Variants in TRPM3 observed in about 807,000 individuals in gnomAD.
The protein encoded by TRPM3 is transient receptor potential cation channel subfamily M member 3.
TRPM3 carries 77 observed loss-of-function variants against 181.2 expected under a neutral mutation model. The observed-to-expected ratio is 0.42, with a 90% CI of 0.35 to 0.51. TRPM3 has a LOEUF of 0.51. Ranked by LOEUF, TRPM3 falls within the 20% of genes least tolerant of loss-of-function variation. The pLI is 0.01. For missense variants in TRPM3, 1,759 were observed against 2,196.7 expected (o/e 0.80, Z 3.98); for synonymous variants, 745 against 796.4 (o/e 0.94, Z 1.09).
chr9:70,780,506 C>T (rs1332529339), intron 7 of TRPM3, among the ~76,000 whole-genome samples: 2 of 151,276 alleles, frequency 1.3e-5, no homozygotes, highest in Non-Finnish European at 2.9e-5. Context: ...AGAAATCCTT[C>T]CTGGTGAATA....
At chr9:71,322,446 C>T (rs190374254) in intron 1 of TRPM3, among the ~76,000 whole-genome samples, 9 of 152,228 alleles carry the variant, frequency 5.9e-5, no homozygotes, top group Admixed American at 5.9e-4. Context: ...ATCTAACTAG[C>T]AATCCAACTT....
At chr9:70,843,198 G>T in intron 4 of TRPM3, 71 bp from the exon 5 acceptor site, 1 of 1,481,328 alleles carries the variant, frequency 6.8e-7, no homozygotes, top group Non-Finnish European at 9.1e-7. Flanking sequence ...AAAGAAAACT[G>T]TGGTAATGGT....
intron 1 of TRPM3, among the ~76,000 whole-genome samples, chr9:71,333,925 C>T (rs1206874426): frequency 1.3e-5 from 2 of 151,706 alleles, no homozygotes; most frequent in East Asian, 3.9e-4. Context: ...ATATGTCACA[C>T]AGAGGAAAAT....
chr9:70,610,528 G>GA (rs2061849069), intron 19 of TRPM3, 81 bp downstream of exon 19: 1 of 1,517,896 alleles, frequency 6.6e-7, no homozygotes, highest in Non-Finnish European at 8.9e-7. Context: ...GACTTGCAGA[G>GA]AAAACCACAC....
At chr9:70,965,828 GTCC>G (rs755460570) in intron 1 of TRPM3, among the ~76,000 whole-genome samples, 14 of 151,792 alleles carry the variant, frequency 9.2e-5, no homozygotes, top group Non-Finnish European at 1.9e-4. Flanking sequence ...GGACAAGTCT[GTCC>G]TCCTCATTTT....
chr9:70,825,232 A>G (rs1479551431), intron 6 of TRPM3: 3 of 152,216 alleles, frequency 2.0e-5, no homozygotes, highest in African/African-American at 7.2e-5. Flanking sequence ...TAGAACTGCT[A>G]TAGGAGCTAA....
chr9:70,997,088 A>G (rs532486437), intron 1 of TRPM3, among the ~76,000 whole-genome samples: 111 of 152,362 alleles, frequency 7.3e-4, no homozygotes, highest in African/African-American at 2.0e-3. Context: ...GATGGACGAT[A>G]TATTTCAATG....
chr9:71,072,984 T>A (rs2062974993), intron 1 of TRPM3, among the ~76,000 whole-genome samples: 1 of 152,226 alleles, frequency 6.6e-6, no homozygotes, highest in African/African-American at 2.4e-5. Context: ...TGGCTGCCTT[T>A]GCTCACTAGA....
intron 1 of TRPM3, among the ~76,000 whole-genome samples, chr9:70,998,528 G>A (rs1321716174): frequency 6.6e-6 from 1 of 152,038 alleles, no homozygotes. Context: ...AGTCCATAGG[G>A]TTCATTGGTG....
intron 8 of TRPM3, among the ~76,000 whole-genome samples, chr9:70,696,308 T>C (rs2070415678): frequency 6.6e-6 from 1 of 152,224 alleles, no homozygotes; most frequent in Admixed American, 6.5e-5. Context: ...AGTTGCCCAA[T>C]GTCTGGGCTG....
At chr9:71,275,384 T>C (rs1018951874) in intron 1 of TRPM3, among the ~76,000 whole-genome samples, 3 of 152,186 alleles carry the variant, frequency 2.0e-5, no homozygotes, top group Admixed American at 6.5e-5. Flanking sequence ...TATAAAAGAA[T>C]AGTGTAAGTG....
At chr9:70,927,308 T>C (rs1404877530) in intron 1 of TRPM3, among the ~76,000 whole-genome samples, 1 of 152,142 alleles carries the variant, frequency 6.6e-6, no homozygotes, top group African/African-American at 2.4e-5. Context: ...ACATAGAGGG[T>C]CAAAATACAT....
rs574859507 is a variant in TRPM3, at chr9:70,554,248, C to T, written c.3224-938G>A. ...ATGTGGCTCAGGAAGCCAGATGATG[C>T]CGTGAGGTGCCAGGCATGGGTGAGG... On this transcript the variant is annotated intron_variant, in intron 22 of 25. Transcript: ENST00000677713. Among the ~76,000 whole-genome samples the T allele has an allele frequency of 3.3e-5, 5 of 152,256 alleles. No individual in the cohort carries two copies. The East Asian group carries it at 7.7e-4, about 24-fold the overall frequency.
intron 6 of TRPM3, among the ~76,000 whole-genome samples, chr9:70,794,412 A>T (rs2086468121): frequency 6.6e-6 from 1 of 152,168 alleles, no homozygotes; most frequent in African/African-American, 2.4e-5. Context: ...ACCACCTTCT[A>T]CATTCCAGTG....
intron 1 of TRPM3, among the ~76,000 whole-genome samples, chr9:70,865,949 T>C (rs771814050): frequency 6.6e-6 from 1 of 152,096 alleles, no homozygotes; most frequent in African/African-American, 2.4e-5. Flanking sequence ...AGGTAACATT[T>C]GCAGTTTTGC....
chr9:71,406,881 A>T (rs1020346476), intron 1 of TRPM3, among the ~76,000 whole-genome samples: 1 of 152,154 alleles, frequency 6.6e-6, no homozygotes, highest in African/African-American at 2.4e-5. Flanking sequence ...CGTTTAGAGC[A>T]GTGATCAGGC....
In TRPM3 at chr9:70,863,107, C is replaced by A; in HGVS notation, c.263G>T (p.Cys88Phe). Residue 88 changes from cysteine to phenylalanine, a missense_variant, in exon 3 of 26, where the codon TGC becomes TTC. Transcript: ENST00000677713. ...IPSTKDPHRC[C>F]CGRLIGQHVG... is the part of the protein sequence containing the mutation. The stretch of plus-strand genomic sequence containing the variant: ...ATGCTGGCCTATCAGACGCCCACAG[C>A]AACACCTATAACAGAAGAGGTTAAA... The A allele has an allele frequency of 6.2e-7, 1 of 1,613,006 alleles. No individual in the cohort carries two copies. Among genetic ancestry groups the A allele is most frequent in the South Asian group, 1.1e-5 (1 of 90,974 alleles).
chr9:70,549,689 A>T lies in TRPM3; in HGVS notation c.3575-15T>A, dbSNP rs2131815437. On this transcript the variant is annotated splice_polypyrimidine_tract_variant and intron_variant, in intron 24 of 25. Transcript: ENST00000677713. ...TATGAAGAGTTCTGTGGAAAAAAAAAAAAAGGAAGTCTTGAGGGAGAGAAG... is the reference window on the plus strand; with the variant it reads ...TATGAAGAGTTCTGTGGAAAAAAAATAAAAGGAAGTCTTGAGGGAGAGAAG... The T allele has an allele frequency of 1.9e-6, 3 of 1,583,192 alleles. No homozygotes were observed. In the East Asian group the frequency reaches 6.7e-5, roughly 35 times the overall value.
At chr9:70,935,957 G>C (rs1281006208) in intron 1 of TRPM3, among the ~76,000 whole-genome samples, 1 of 152,132 alleles carries the variant, frequency 6.6e-6, no homozygotes, top group African/African-American at 2.4e-5. Flanking sequence ...AAAGGCCTGT[G>C]AATATGGAGC....
Sources: gnomAD v4.1 joint callset for allele counts (sites outside exome capture counted in the v4.1 genomes callset) on GRCh38, gnomAD v4.1.1 for gene constraint, MANE v1.5 for transcripts, NCBI Gene and HGNC (gene_info 2026-07-23, HGNC 2026-07-21) for gene names.